USP49: variants seen among roughly 807,000 people sequenced by gnomAD.
USP49 encodes the protein ubiquitin specific peptidase 49.
In USP49, 24 loss-of-function variants were observed where a neutral mutation model predicts 58.6. The ratio of observed to expected loss-of-function variants is 0.41; its 90% CI spans 0.30 to 0.58. USP49 has a LOEUF of 0.58. Among genes scored for constraint, USP49 ranks in the 20% least tolerant of loss-of-function variants. The pLI is 0.30. For missense variants in USP49, 703 were observed against 866.1 expected (o/e 0.81, Z 2.36); for synonymous variants, 408 against 365.1 (o/e 1.12, Z -1.34).
Position 41,806,538 on chromosome 6 carries a change from C to G in USP49, c.446G>C (p.Arg149Pro). ...CAGCCGCAGCGTCCTGGCCAGCAGG[C>G]GCTGACGCCGGTACCACAGAGCCGT... The part of the protein sequence containing the change: ...MLTALWYRRQ[R>P]LLARTLRLWF... Residue 149 changes from arginine (R) to proline (P), a missense_variant, in exon 4 of 8, where the codon CGC (arginine) becomes CCC (proline). Physicochemically the swap from Arg to Pro is moderately radical, Grantham distance 103. Coordinates refer to ENST00000682992, the MANE Select transcript of USP49 (RefSeq NM_001286554.2). This position sits in a 1 kb window ranked among gnomAD's most constrained non-coding sequence, Gnocchi z 5.9. 1 of 1,600,190 alleles carries G rather than the reference C, an allele frequency of 6.2e-7. No homozygotes were observed.
chr6:41,799,748 G>T, intron 6 of USP49, 82 bp downstream of exon 6: 1 of 1,235,032 alleles, frequency 8.1e-7, no homozygotes, highest in Non-Finnish European at 1.2e-6. Context: ...CAACACCATA[G>T]AAGACATTTG....
intron 3 of USP49, among the ~76,000 whole-genome samples, chr6:41,862,431 T>C (rs1330009677): frequency 3.3e-5 from 5 of 152,232 alleles, no homozygotes; most frequent in East Asian, 3.8e-4. Flanking sequence ...TATTGATCTA[T>C]TTTTTCTTTT....
At chr6:41,820,646 AG>A (rs1582002359) in intron 3 of USP49, among the ~76,000 whole-genome samples, 1 of 152,186 alleles carries the variant, frequency 6.6e-6, no homozygotes, top group African/African-American at 2.4e-5. Flanking sequence ...GCTGGTTGAC[AG>A]GTACATGGAA....
At chr6:41,877,428 A>G (rs906994933) in intron 2 of USP49, among the ~76,000 whole-genome samples, 1 of 152,216 alleles carries the variant, frequency 6.6e-6, no homozygotes, top group African/African-American at 2.4e-5. Flanking sequence ...TGGAATGGCA[A>G]TCTAGACTGT....
intron 3 of USP49, among the ~76,000 whole-genome samples, chr6:41,816,218 A>C (rs997513227): frequency 2.0e-5 from 3 of 152,168 alleles, no homozygotes; most frequent in African/African-American, 7.2e-5. Context: ...CCTTGACACT[A>C]TTTTTAGATT....
intron 3 of USP49, among the ~76,000 whole-genome samples, chr6:41,848,903 T>G (rs1021500764): frequency 6.6e-6 from 1 of 151,858 alleles, no homozygotes; most frequent in African/African-American, 2.4e-5. Flanking sequence ...TTCCCTATGT[T>G]GCCCAGGCTG....
chr6:41,841,044 C>G (rs1357443285), intron 3 of USP49, among the ~76,000 whole-genome samples: 1 of 151,718 alleles, frequency 6.6e-6, no homozygotes, highest in Non-Finnish European at 1.5e-5. Flanking sequence ...AAAAAAAAAC[C>G]TTTTTACTAT....
chr6:41,832,115 GT>G (rs149533271), intron 3 of USP49, among the ~76,000 whole-genome samples: 3 of 148,460 alleles, frequency 2.0e-5, no homozygotes, highest in East Asian at 2.0e-4. Context: ...AGTCTGTACT[GT>G]TTTTTTTTTA....
chr6:41,868,634 G>GC lies in USP49; in HGVS notation c.-29+2929_-29+2930insG. On this transcript the variant is annotated intron_variant, in intron 3 of 7. Transcript: ENST00000682992. ...GAGCCACTGCGCCCAGCCAACTTCT[G>GC]TTTTTTATATTTTAGCCTTCTAAAA... is the stretch of plus-strand genomic sequence containing the variant. 2.0e-5 allele frequency: 3 copies of GC among 152,220 alleles called. No homozygotes were observed. The South Asian group carries it at 6.2e-4, about 32-fold the overall frequency. 9.4% of individuals were successfully genotyped at this position (152,220 alleles called of 1,614,324 possible).
In USP49 at chr6:41,803,944, A is replaced by T; in HGVS notation, c.1423T>A (p.Phe475Ile). ...TCTATGCAGTGATAGCGTTCAGGGAATTCCAGGGATAGGTCCCAAAAGGGC... is the reference window on the plus strand; with the variant it reads ...TCTATGCAGTGATAGCGTTCAGGGATTTCCAGGGATAGGTCCCAAAAGGGC... ...IEPFWDLSLE[F>I]PERYHCIEKG... Residue 475 changes from phenylalanine (F) to isoleucine (I), a missense_variant, in exon 5 of 8, where the codon TTC (phenylalanine) becomes ATC (isoleucine). Around this residue, in one of 6 missense-constraint regions of USP49, gnomAD observed 158 missense variants for 241.2 expected, o/e 0.66. Coordinates refer to ENST00000682992, the MANE Select transcript of USP49 (RefSeq NM_001286554.2). This position sits in a 1 kb window ranked among gnomAD's most constrained non-coding sequence, Gnocchi z 4.1. The T allele has an allele frequency of 6.2e-7, 1 of 1,614,184 alleles. No homozygotes were observed. The highest frequency in any genetic ancestry group is 8.5e-7 in the Non-Finnish European group (1 of 1,180,036).
At chr6:41,864,064 C>A (rs550017759) in intron 3 of USP49, among the ~76,000 whole-genome samples, 2 of 152,020 alleles carry the variant, frequency 1.3e-5, no homozygotes, top group African/African-American at 2.4e-5. Flanking sequence ...CACACCTGGC[C>A]ATAAACCTCA....
intron 3 of USP49, among the ~76,000 whole-genome samples, chr6:41,828,462 G>A (rs1414377291): frequency 6.6e-6 from 1 of 152,050 alleles, no homozygotes; most frequent in Non-Finnish European, 1.5e-5. Flanking sequence ...AAACTAAGCT[G>A]CTTTGAAGGT....
In USP49 at chr6:41,806,341, T is replaced by C. The variant is rs766036302; in HGVS notation, c.643A>G (p.Thr215Ala). 10 of 1,528,634 alleles carry C rather than the reference T, an allele frequency of 6.5e-6. No homozygotes were observed. Among genetic ancestry groups the C allele is most frequent in the Non-Finnish European group, 8.7e-6 (10 of 1,149,564 alleles). 94.7% of individuals were successfully genotyped at this position (1,528,634 alleles called of 1,614,324 possible). A position where few individuals can be genotyped will look rare whatever the true frequency, so the allele number is the denominator to read the frequency against. Residue 215 changes from threonine (T) to alanine (A), a missense_variant, in exon 4 of 8, where the codon ACG becomes GCG. Physicochemically the swap from Thr to Ala is moderately conservative, Grantham distance 58 (BLOSUM62 0). Transcript: ENST00000682992. The surrounding 1 kb of genome is among the most constrained non-coding windows in gnomAD (Gnocchi z 5.9). ...PRKSARLLLH[T>A]PRDAGPAASR... is the part of the protein sequence containing the mutation. Reference sequence around the variant, plus strand: ...GCAGCCGGGCCCGCGTCGCGGGGCGTGTGCAGGAGCAGCCGTGCACTCTTG... The same window carrying C: ...GCAGCCGGGCCCGCGTCGCGGGGCGCGTGCAGGAGCAGCCGTGCACTCTTG...
intron 2 of USP49, among the ~76,000 whole-genome samples, chr6:41,879,697 A>C (rs1774569732): frequency 6.6e-6 from 1 of 152,192 alleles, no homozygotes; most frequent in African/African-American, 2.4e-5. Context: ...ATGGTGATTA[A>C]GAGAAAGTTG....
At chr6:41,844,328 T>A (rs1773883124) in intron 3 of USP49, among the ~76,000 whole-genome samples, 1 of 152,078 alleles carries the variant, frequency 6.6e-6, no homozygotes. Flanking sequence ...TTTTTTTTTT[T>A]CTTTCTTTGA....
chr6:41,799,110 A>T (rs1772948062), intron 6 of USP49, among the ~76,000 whole-genome samples, 181 bp from the exon 7 acceptor site: 1 of 150,700 alleles, frequency 6.6e-6, no homozygotes, highest in Admixed American at 6.6e-5. Flanking sequence ...TTATTTATTT[A>T]TTTATTTTCA....
chr6:41,811,862 AAAAG>A (rs753302182), intron 3 of USP49, among the ~76,000 whole-genome samples: 2 of 152,206 alleles, frequency 1.3e-5, no homozygotes, highest in Non-Finnish European at 2.9e-5. Flanking sequence ...CCTGGGACAC[AAAAG>A]AAAGTAATGA....
intron 3 of USP49, among the ~76,000 whole-genome samples, chr6:41,861,991 C>G (rs908409610): frequency 6.6e-6 from 1 of 152,130 alleles, no homozygotes; most frequent in African/African-American, 2.4e-5. Context: ...CATGAGCCAC[C>G]GCACCCGGCC....
At position 41,877,809 on chromosome 6, in the gene USP49, C is replaced by T. The variant is rs1353580002; in HGVS notation, c.-102-6172G>A. Among the ~76,000 whole-genome samples, 9 of 152,324 alleles carry T rather than the reference C, an allele frequency of 5.9e-5. No homozygotes were observed. In the East Asian group the frequency reaches 1.5e-3, roughly 26 times the overall value. On this transcript the variant is annotated intron_variant, in intron 2 of 7. Transcript: ENST00000682992. ...CTCCTGGCCTCAAGTGATCTGCCCA[C>T]CTTGGCCTACAAAAGTGCTGGGATT...
Sources: allele counts gnomAD v4.1 joint callset (sites outside exome capture counted in the v4.1 genomes callset), GRCh38; gene constraint gnomAD v4.1.1; regional missense constraint gnomAD v4.1.1; non-coding constraint Gnocchi (gnomAD v3.1); transcripts MANE v1.5; gene names NCBI Gene and HGNC (gene_info 2026-07-23, HGNC 2026-07-21).